The following SLC25A26 variants were observed in gnomAD, a reference collection of about 807,000 sequenced individuals.
SLC25A26 encodes mitochondrial S-adenosylmethionine carrier protein.
SLC25A26 carries 36 observed loss-of-function variants against 37.8 expected under a neutral mutation model. The ratio of observed to expected loss-of-function variants is 0.95; its 90% CI spans 0.73 to 1.26. The LOEUF (loss-of-function observed/expected upper bound fraction) is 1.26, where lower values mean the gene tolerates loss of function less well. SLC25A26 is among the 50% of genes most tolerant of loss of function. SLC25A26 has a pLI of 0.00. For missense variants in SLC25A26, 390 were observed against 331.1 expected (o/e 1.18, Z -1.38); for synonymous variants, 129 against 122.5 (o/e 1.05, Z -0.35).
intron 1 of SLC25A26, among the ~76,000 whole-genome samples, chr3:66,160,934 C>CA (rs370435369): frequency 0.022 from 3,175 of 146,866 alleles, 37 homozygotes; most frequent in Non-Finnish European, 0.027. Flanking sequence ...GACTCTGTCT[C>CA]AAAAAAAAAA....
chr3:66,221,215 G>T, intron 1 of SLC25A26, 88 bp downstream of exon 1: 1 of 1,375,766 alleles, frequency 7.3e-7, no homozygotes, highest in Middle Eastern at 2.4e-4. Flanking sequence ...GTTTTCTTCC[G>T]GTTTTGCGGG....
chr3:66,135,576 TG>T (rs994912204), intron 1 of SLC25A26, among the ~76,000 whole-genome samples: 14 of 152,332 alleles, frequency 9.2e-5, no homozygotes, highest in African/African-American at 3.1e-4. Flanking sequence ...GAGACCAGAC[TG>T]GGCAACAAAG....
At chr3:66,340,134 G>C (rs1160302118) in intron 5 of SLC25A26, among the ~76,000 whole-genome samples, 3 of 151,966 alleles carry the variant, frequency 2.0e-5, no homozygotes, top group Non-Finnish European at 2.9e-5. Context: ...TGAATGGTCT[G>C]GCACCCTTTT....
At chr3:66,278,586 T>C (rs547142185) in intron 5 of SLC25A26, among the ~76,000 whole-genome samples, 1 of 152,306 alleles carries the variant, frequency 6.6e-6, no homozygotes, top group East Asian at 1.9e-4. Context: ...GTGATTAAGC[T>C]CACATTATGT....
At position 66,316,394 on chromosome 3, in the gene SLC25A26, G is replaced by A. The variant is rs150885097; in HGVS notation, c.454-29970G>A. ...TATGAGGCTTACTTTGGCCAGATAC[G>A]AAATTCTAGGTTGGAAATTCTTTTG... On this transcript the variant is annotated intron_variant, in intron 5 of 9. Coordinates refer to ENST00000354883, the MANE Select transcript of SLC25A26 (RefSeq NM_001379210.1). Among the ~76,000 whole-genome samples, 1,285 of 152,268 alleles carry A rather than the reference G, an allele frequency of 8.4e-3. 24 individuals carry two copies. The highest frequency in any genetic ancestry group is 0.011 in the African/African-American group (469 of 41,542).
At chr3:66,233,458 T>TTGCCTGA (rs199563831) in intron 1 of SLC25A26, among the ~76,000 whole-genome samples, 38,508 of 151,870 alleles carry the variant, frequency 0.25, 5,510 homozygotes, top group African/African-American at 0.39. Context: ...AATGAATCAC[T>TTGCCTGA]TGCCTGATAA....
chr3:66,261,981 G>T, intron 3 of SLC25A26, 70 bp from the exon 4 acceptor site: 11 of 847,264 alleles, frequency 1.3e-5, no homozygotes, highest in African/African-American at 3.5e-5. Flanking sequence ...TACAATTTTT[G>T]CTTACCAAAA....
chr3:66,280,344 A>C (rs1412181188), intron 5 of SLC25A26, among the ~76,000 whole-genome samples: 1 of 152,172 alleles, frequency 6.6e-6, no homozygotes, highest in Non-Finnish European at 1.5e-5. Context: ...AGTAATTCTC[A>C]ATCATTATTG....
intron 3 of SLC25A26, among the ~76,000 whole-genome samples, chr3:66,251,958 G>C (rs1215630503): frequency 2.1e-5 from 3 of 145,890 alleles, no homozygotes; most frequent in Non-Finnish European, 4.6e-5. Flanking sequence ...AGAGCTGCAT[G>C]AGTTTATAGA....
intron 1 of SLC25A26, among the ~76,000 whole-genome samples, chr3:66,154,452 G>A (rs2070250909): frequency 6.6e-6 from 1 of 152,100 alleles, no homozygotes; most frequent in South Asian, 2.1e-4. Flanking sequence ...TTCTGTGGAG[G>A]AGGAAAATGA....
intron 1 of SLC25A26, among the ~76,000 whole-genome samples, chr3:66,225,875 C>T (rs1377551215): frequency 1.3e-5 from 2 of 152,176 alleles, no homozygotes; most frequent in African/African-American, 2.4e-5. Context: ...AGAAGTTCCT[C>T]ATCTCCATCT....
chr3:66,142,449 A>AT (rs905499875), intron 1 of SLC25A26, among the ~76,000 whole-genome samples: 29 of 151,834 alleles, frequency 1.9e-4, no homozygotes, highest in African/African-American at 4.3e-4. Context: ...CTATAAAAGA[A>AT]TTTTTTTTTA....
At chr3:66,366,747 G>A (rs141818788) in intron 7 of SLC25A26, among the ~76,000 whole-genome samples, 2 of 152,340 alleles carry the variant, frequency 1.3e-5, no homozygotes, top group African/African-American at 4.8e-5. Flanking sequence ...ACATACGAAA[G>A]TGGGTTTAAC....
At chr3:66,265,491 C>T (rs2073709656) in intron 5 of SLC25A26, among the ~76,000 whole-genome samples, 2 of 152,160 alleles carry the variant, frequency 1.3e-5, no homozygotes, top group Admixed American at 1.3e-4. Context: ...AACCTGCATA[C>T]ATCTGCTCTG....
chr3:66,323,184 G>A (rs1332377128), intron 5 of SLC25A26, among the ~76,000 whole-genome samples: 2 of 152,048 alleles, frequency 1.3e-5, no homozygotes, highest in Non-Finnish European at 2.9e-5. Flanking sequence ...AGATTGGGTG[G>A]GGCAATGGAA....
At chr3:66,238,785 T>C (rs553594882) in intron 2 of SLC25A26, among the ~76,000 whole-genome samples, 1 of 152,114 alleles carries the variant, frequency 6.6e-6, no homozygotes, top group African/African-American at 2.4e-5. Flanking sequence ...GGTCTTCATG[T>C]TGAGTAGGCT....
At chr3:66,264,091 A>G (rs1576745923) in intron 5 of SLC25A26, among the ~76,000 whole-genome samples, 1 of 152,120 alleles carries the variant, frequency 6.6e-6, no homozygotes, top group Non-Finnish European at 1.5e-5. Context: ...AACCTGGCCA[A>G]CATGACGAAA....
At chr3:66,278,893 C>T (rs915830246) in intron 5 of SLC25A26, among the ~76,000 whole-genome samples, 3 of 152,130 alleles carry the variant, frequency 2.0e-5, no homozygotes, top group African/African-American at 7.2e-5. Flanking sequence ...TCTTTCATAG[C>T]TCTTCTGTAT....
intron 1 of SLC25A26, among the ~76,000 whole-genome samples, chr3:66,202,531 GAA>G (rs1177179044): frequency 5.8e-5 from 5 of 86,492 alleles, no homozygotes; most frequent in Non-Finnish European, 9.5e-5. Context: ...AAAGTAAAAT[GAA>G]AAAAAAAAAA....
Sources: allele counts gnomAD v4.1 joint callset (sites outside exome capture counted in the v4.1 genomes callset), GRCh38; gene constraint gnomAD v4.1.1; transcripts MANE v1.5; gene names NCBI Gene and HGNC (gene_info 2026-07-23, HGNC 2026-07-21).